The following RAD51B variants were observed in gnomAD, a reference collection of about 807,000 sequenced individuals.
The protein encoded by RAD51B is DNA repair protein RAD51 homolog 2.
RAD51B carries 38 observed loss-of-function variants against 42.2 expected under a neutral mutation model. The observed-to-expected ratio is 0.90, with a 90% CI of 0.70 to 1.18. The LOEUF (loss-of-function observed/expected upper bound fraction) is 1.18, where lower values mean the gene tolerates loss of function less well. Among genes scored for constraint, RAD51B ranks in the 50% most tolerant of loss-of-function variants. The pLI, the probability that RAD51B is intolerant of heterozygous loss-of-function variation, is 0.00. For missense variants in RAD51B, 373 were observed against 400.7 expected, an observed-to-expected ratio of 0.93 and a Z score of 0.59; for synonymous variants, 154 against 145.2, an observed-to-expected ratio of 1.06 and a Z score of -0.43.
chr14:68,124,764 C>T (rs1423154255), intron 7 of RAD51B, among the ~76,000 whole-genome samples: 5 of 152,008 alleles, frequency 3.3e-5, no homozygotes, highest in Admixed American at 2.6e-4. Context: ...CCAGCCTGGC[C>T]AACATGGTGA....
At chr14:68,536,742 T>G (rs1281962618) in intron 10 of RAD51B, among the ~76,000 whole-genome samples, 1 of 152,182 alleles carries the variant, frequency 6.6e-6, no homozygotes, top group Non-Finnish European at 1.5e-5. Context: ...TTAAATAGTC[T>G]TTTTCCCCCC....
chr14:68,327,654 A>G (rs1162721209), intron 8 of RAD51B, among the ~76,000 whole-genome samples: 1 of 152,172 alleles, frequency 6.6e-6, no homozygotes, highest in Non-Finnish European at 1.5e-5. Flanking sequence ...ACAAGGAGCC[A>G]AAGGTAAACA....
intron 8 of RAD51B, among the ~76,000 whole-genome samples, chr14:68,405,255 A>T (rs1384016786): frequency 6.6e-6 from 1 of 152,210 alleles, no homozygotes; most frequent in East Asian, 1.9e-4. Flanking sequence ...ACCTTGGGCA[A>T]CATAGTGAGA....
At chr14:68,254,692 T>G (rs115898742) in intron 7 of RAD51B, among the ~76,000 whole-genome samples, 1,816 of 152,332 alleles carry the variant, frequency 0.012, 36 homozygotes, top group African/African-American at 0.039. Flanking sequence ...TTAGTTTTCT[T>G]TGTAATCCTA....
At chr14:67,877,355 A>G (rs1595049147) in intron 5 of RAD51B, among the ~76,000 whole-genome samples, 1 of 152,182 alleles carries the variant, frequency 6.6e-6, no homozygotes, top group Non-Finnish European at 1.5e-5. Context: ...CATATGGCTA[A>G]TAAGATAGCT....
intron 5 of RAD51B, among the ~76,000 whole-genome samples, chr14:67,872,473 C>T (rs1292954657): frequency 2.7e-5 from 4 of 146,898 alleles, no homozygotes; most frequent in South Asian, 2.2e-4. Context: ...TCCATGCTCA[C>T]GGGTAGGAAG....
At position 68,266,626 on chromosome 14, in the gene RAD51B, A is replaced by T. The variant is rs7159051; in HGVS notation, c.757-25258A>T. Among the ~76,000 whole-genome samples, 670 of 152,288 alleles carry T rather than the reference A, an allele frequency of 4.4e-3. 5 individuals carry two copies. Among genetic ancestry groups the T allele is most frequent in the African/African-American group, 0.015 (614 of 41,558 alleles). On this transcript the variant is annotated intron_variant, in intron 7 of 10. Coordinates refer to ENST00000471583, the MANE Select transcript of RAD51B (RefSeq NM_133510.4). Reference sequence around the variant, plus strand: ...GGGGTATCCTGTTCTAAGCCCCAACATTTCCCTGGAAGGGCGATGGCTTTT... The same window carrying T: ...GGGGTATCCTGTTCTAAGCCCCAACTTTTCCCTGGAAGGGCGATGGCTTTT...
chr14:67,965,359 T>C (rs1450296193), intron 7 of RAD51B, among the ~76,000 whole-genome samples: 2 of 151,166 alleles, frequency 1.3e-5, no homozygotes, highest in Admixed American at 6.6e-5. Context: ...CTCCTAGCCA[T>C]TGCCCTGTTT....
intron 7 of RAD51B, among the ~76,000 whole-genome samples, chr14:68,248,979 C>T (rs1456020275): frequency 2.0e-5 from 3 of 152,186 alleles, no homozygotes; most frequent in Non-Finnish European, 4.4e-5. Context: ...AGTCCTTGCC[C>T]GAATGGCACC....
chr14:68,602,082 C>T (rs542144520), intron 10 of RAD51B, among the ~76,000 whole-genome samples: 1 of 152,040 alleles, frequency 6.6e-6, no homozygotes, highest in Non-Finnish European at 1.5e-5. Context: ...CCTAAACTGC[C>T]CCCAAAGACC....
chr14:67,938,673 A>T (rs1233978416), intron 7 of RAD51B, among the ~76,000 whole-genome samples: 1 of 152,216 alleles, frequency 6.6e-6, no homozygotes, highest in Non-Finnish European at 1.5e-5. Context: ...ATTTCAGTAG[A>T]AAACAGTTGA....
chr14:68,202,561 A>T (rs2079508659), intron 7 of RAD51B, among the ~76,000 whole-genome samples: 4 of 139,852 alleles, frequency 2.9e-5, no homozygotes, highest in Admixed American at 2.9e-4. Flanking sequence ...GTTCATTCAT[A>T]TGAAGCAACG....
intron 9 of RAD51B, among the ~76,000 whole-genome samples, chr14:68,423,022 A>G (rs1045167527): frequency 6.6e-6 from 1 of 152,166 alleles, no homozygotes; most frequent in African/African-American, 2.4e-5. Context: ...GAGTTCTTGC[A>G]TCTCAGACAA....
At chr14:67,923,798 T>C (rs1227153750) in intron 7 of RAD51B, among the ~76,000 whole-genome samples, 1 of 152,220 alleles carries the variant, frequency 6.6e-6, no homozygotes, top group Admixed American at 6.5e-5. Flanking sequence ...TTAAGGAATC[T>C]CCACATTGTT....
chr14:68,073,506 G>C (rs2076786460), intron 7 of RAD51B, among the ~76,000 whole-genome samples: 1 of 152,150 alleles, frequency 6.6e-6, no homozygotes, highest in Non-Finnish European at 1.5e-5. Context: ...TAGGTGGGAT[G>C]CTTAACCTGT....
At chr14:67,907,620 G>A (rs2043820151) in intron 7 of RAD51B, among the ~76,000 whole-genome samples, 1 of 151,868 alleles carries the variant, frequency 6.6e-6, no homozygotes. Flanking sequence ...ATTATCACTG[G>A]GTTTTTTTAT....
intron 8 of RAD51B, among the ~76,000 whole-genome samples, chr14:68,320,238 C>G (rs1566806667): frequency 6.6e-6 from 1 of 152,190 alleles, no homozygotes; most frequent in Non-Finnish European, 1.5e-5. Context: ...GTGTATCACA[C>G]TGCAATGCAA....
At chr14:68,341,671 G>GTC (rs1350084562) in intron 8 of RAD51B, among the ~76,000 whole-genome samples, 1 of 152,180 alleles carries the variant, frequency 6.6e-6, no homozygotes, top group Non-Finnish European at 1.5e-5. Context: ...CAATGCAGCA[G>GTC]TCTCTGGTCT....
chr14:68,049,020 A>G (rs2076348436), intron 7 of RAD51B, among the ~76,000 whole-genome samples: 1 of 152,242 alleles, frequency 6.6e-6, no homozygotes, highest in Admixed American at 6.5e-5. Context: ...ATGGAATACT[A>G]TGCAGCCATA....
Sources: gnomAD v4.1 joint callset for allele counts (sites outside exome capture counted in the v4.1 genomes callset) on GRCh38, gnomAD v4.1.1 for gene constraint, MANE v1.5 for transcripts, NCBI Gene and HGNC (gene_info 2026-07-23, HGNC 2026-07-21) for gene names.